RSU1: variants seen among roughly 807,000 people sequenced by gnomAD.
RSU1 encodes the protein Ras suppressor protein 1, also known as rsu-1.
In RSU1, 26 loss-of-function variants were observed where a neutral mutation model predicts 31.1. The observed-to-expected ratio is 0.84, with a 90% confidence interval of 0.61 to 1.16. RSU1 has a LOEUF of 1.16. Ranked by LOEUF, RSU1 falls within the 50% of genes most tolerant of loss-of-function variation. The probability of loss-of-function intolerance (pLI) is 0.00; values close to 1 mark genes in which losing one functional copy is unlikely to be tolerated. For synonymous variants in RSU1, 164 were observed against 136.3 expected, an observed-to-expected ratio of 1.20 and a Z score of -1.41; for missense variants, 320 against 339.1, an observed-to-expected ratio of 0.94 and a Z score of 0.44.
At chr10:16,706,146 G>C (rs1835896774) in intron 7 of RSU1, among the ~76,000 whole-genome samples, 1 of 152,120 alleles carries the variant, frequency 6.6e-6, no homozygotes, top group Non-Finnish European at 1.5e-5. Context: ...ATTATTTCGG[G>C]AATATACTCA....
chr10:16,627,235 A>C (rs1834173956), intron 8 of RSU1, among the ~76,000 whole-genome samples: 1 of 152,232 alleles, frequency 6.6e-6, no homozygotes, highest in Admixed American at 6.5e-5. Context: ...TATAGCCAGA[A>C]ACAAGTAACT....
At chr10:16,719,159 T>G (rs1836205007) in intron 7 of RSU1, among the ~76,000 whole-genome samples, 1 of 151,670 alleles carries the variant, frequency 6.6e-6, no homozygotes, top group Non-Finnish European at 1.5e-5. Context: ...AGATAAAAAA[T>G]TCGCCGAGTG....
At chr10:16,670,265 T>C (rs535145130) in intron 8 of RSU1, among the ~76,000 whole-genome samples, 1 of 152,242 alleles carries the variant, frequency 6.6e-6, no homozygotes, top group East Asian at 1.9e-4. Flanking sequence ...AAGAGATAGA[T>C]TTCGACAGTG....
chr10:16,780,596 CATT>C (rs1467617282), intron 3 of RSU1, among the ~76,000 whole-genome samples: 2 of 152,144 alleles, frequency 1.3e-5, no homozygotes, highest in Non-Finnish European at 2.9e-5. Context: ...AACAAGGTAT[CATT>C]GTTGTAACAA....
At chr10:16,619,258 C>T (rs751422742) in intron 8 of RSU1, among the ~76,000 whole-genome samples, 20 of 152,242 alleles carry the variant, frequency 1.3e-4, no homozygotes, top group Non-Finnish European at 2.5e-4. Flanking sequence ...CAGCAGCAAG[C>T]ATCTACCTGG....
At chr10:16,715,202 T>C (rs1228709759) in intron 7 of RSU1, among the ~76,000 whole-genome samples, 2 of 152,230 alleles carry the variant, frequency 1.3e-5, no homozygotes, top group Non-Finnish European at 2.9e-5. Flanking sequence ...GATCCCCTTT[T>C]GGGGGAGGGA....
At chr10:16,647,167 T>C (rs1473003242) in intron 8 of RSU1, among the ~76,000 whole-genome samples, 1 of 151,774 alleles carries the variant, frequency 6.6e-6, no homozygotes, top group Non-Finnish European at 1.5e-5. Context: ...AGAGATGGAG[T>C]TTCACCATGT....
At chr10:16,684,265 A>C (rs1762830203) in intron 8 of RSU1, among the ~76,000 whole-genome samples, 1 of 152,178 alleles carries the variant, frequency 6.6e-6, no homozygotes, top group South Asian at 2.1e-4. Flanking sequence ...TTTGTCACAT[A>C]ATGTTATGCC....
At chr10:16,687,886 A>AT (rs918045043) in intron 8 of RSU1, among the ~76,000 whole-genome samples, 2 of 151,508 alleles carry the variant, frequency 1.3e-5, no homozygotes, top group African/African-American at 2.4e-5. Context: ...TGCCCGGCTA[A>AT]TTTTTTTTCA....
At chr10:16,709,525 T>G (rs1299237991) in intron 7 of RSU1, among the ~76,000 whole-genome samples, 1 of 152,196 alleles carries the variant, frequency 6.6e-6, no homozygotes, top group Admixed American at 6.5e-5. Context: ...ATGGGATGGC[T>G]GGGTCAAATG....
intron 7 of RSU1, among the ~76,000 whole-genome samples, chr10:16,696,844 G>C (rs1191852251): frequency 6.6e-6 from 1 of 151,710 alleles, no homozygotes; most frequent in Non-Finnish European, 1.5e-5. Context: ...ATTGATCTTT[G>C]TTTTTATCTT....
At chr10:16,769,673 C>T (rs1451084125) in intron 3 of RSU1, among the ~76,000 whole-genome samples, 1 of 152,188 alleles carries the variant, frequency 6.6e-6, no homozygotes, top group Non-Finnish European at 1.5e-5. Flanking sequence ...GTCTGGGAAC[C>T]CTCTTTTGGC....
At chr10:16,642,148 C>T (rs898740097) in intron 8 of RSU1, among the ~76,000 whole-genome samples, 2 of 152,108 alleles carry the variant, frequency 1.3e-5, no homozygotes, top group South Asian at 2.1e-4. Flanking sequence ...TGTCACCTGA[C>T]GCATCACCTG....
chr10:16,774,623 CT>C (rs1564352662), intron 3 of RSU1, among the ~76,000 whole-genome samples: 1 of 152,124 alleles, frequency 6.6e-6, no homozygotes, highest in African/African-American at 2.4e-5. Context: ...TGCAAACATA[CT>C]AGTGTTATCT....
chr10:16,698,318 T>C (rs1564321972), intron 7 of RSU1, among the ~76,000 whole-genome samples: 1 of 152,140 alleles, frequency 6.6e-6, no homozygotes, highest in Non-Finnish European at 1.5e-5. Flanking sequence ...TGAGTAAAGC[T>C]GGTTTTAAAG....
chr10:16,747,987 T>C (rs576812670), intron 7 of RSU1, among the ~76,000 whole-genome samples: 4 of 152,292 alleles, frequency 2.6e-5, no homozygotes, highest in South Asian at 2.1e-4. Flanking sequence ...TGAGCTATGA[T>C]TGCACCACTG....
chr10:16,627,625 T>C (rs556549980), intron 8 of RSU1, among the ~76,000 whole-genome samples: 34 of 152,026 alleles, frequency 2.2e-4, no homozygotes, highest in Admixed American at 2.0e-4. Flanking sequence ...TGGATGGTGG[T>C]GCATGCCTGT....
At chr10:16,750,468 C>T (rs1452846319) in intron 7 of RSU1, among the ~76,000 whole-genome samples, 1 of 152,078 alleles carries the variant, frequency 6.6e-6, no homozygotes, top group Non-Finnish European at 1.5e-5. Context: ...CAAATATGAC[C>T]TCATGCAGTA....
At chr10:16,726,680 A>C (rs990446903) in intron 7 of RSU1, among the ~76,000 whole-genome samples, 45 of 152,184 alleles carry the variant, frequency 3.0e-4, no homozygotes, top group African/African-American at 1.1e-3. Context: ...GAAAACAATG[A>C]ATATAAATTA....
Sources: gnomAD v4.1 joint callset for allele counts (sites outside exome capture counted in the v4.1 genomes callset) on GRCh38, gnomAD v4.1.1 for gene constraint, MANE v1.5 for transcripts, NCBI Gene and HGNC (gene_info 2026-07-23, HGNC 2026-07-21) for gene names.